The following MREG variants were observed in gnomAD, a reference collection of about 807,000 sequenced individuals.
The protein encoded by MREG is dilute suppressor protein homolog.
A neutral mutation model predicts 28.5 loss-of-function variants in MREG; 31 were observed. The ratio of observed to expected loss-of-function variants is 1.09; its 90% confidence interval spans 0.82 to 1.47. The LOEUF is 1.47. Ranked by LOEUF, MREG falls within the 40% of genes most tolerant of loss-of-function variation. The pLI, the probability that MREG is intolerant of heterozygous loss-of-function variation, is 0.00. For missense variants in MREG, 256 were observed against 257.4 expected (o/e 0.99, Z 0.04); for synonymous variants, 106 against 95.2 (o/e 1.11, Z -0.66).
intron 2 of MREG, among the ~76,000 whole-genome samples, chr2:215,966,324 A>G (rs532887221): frequency 6.6e-6 from 1 of 152,244 alleles, no homozygotes; most frequent in East Asian, 1.9e-4. Flanking sequence ...CCACTTCCAT[A>G]GCTTGATTTC....
At chr2:216,011,095 C>CAAA (rs35487752) in intron 1 of MREG, among the ~76,000 whole-genome samples, 1,103 of 106,654 alleles carry the variant, frequency 0.01, 25 homozygotes, top group Admixed American at 0.04. Flanking sequence ...GACTCCGTCT[C>CAAA]AAAAAAAAAA....
At chr2:216,000,280 G>T (rs1693982805) in intron 1 of MREG, among the ~76,000 whole-genome samples, 1 of 152,148 alleles carries the variant, frequency 6.6e-6, no homozygotes, top group African/African-American at 2.4e-5. Flanking sequence ...GTTCCTGGGT[G>T]GGGATCTCGG....
chr2:215,974,093 A>T (rs1693177224), intron 2 of MREG, among the ~76,000 whole-genome samples: 1 of 152,198 alleles, frequency 6.6e-6, no homozygotes. Context: ...TTGTAATTCG[A>T]CATAGCAATT....
In MREG at chr2:215,943,967, ACT is replaced by A. The variant is rs1692249928; in HGVS notation, c.*894_*895del. 1 of 135,714 alleles carries A rather than the reference ACT, an allele frequency of 7.4e-6. No individual in the cohort carries two copies. The highest frequency in any genetic ancestry group is 1.5e-5 in the Non-Finnish European group (1 of 65,430). 8.4% of individuals were successfully genotyped at this position (135,714 alleles called of 1,614,324 possible). On this transcript the variant is annotated 3_prime_UTR_variant, in exon 5 of 5. Coordinates refer to ENST00000263268, the MANE Select transcript of MREG (RefSeq NM_018000.3). Reference sequence around the variant, plus strand: ...TGCAAGTACAACACATGAATACATAACTCTTTTTTTTTTTTTTTTTTTTTTTT... The same window carrying A: ...TGCAAGTACAACACATGAATACATAACTTTTTTTTTTTTTTTTTTTTTTTT...
At chr2:215,983,573 G>A (rs1693486099) in intron 2 of MREG, among the ~76,000 whole-genome samples, 1 of 152,040 alleles carries the variant, frequency 6.6e-6, no homozygotes. Context: ...ACGTACTGGG[G>A]GCAAATAAAT....
chr2:215,982,927 AAAT>A (rs1263118189), intron 2 of MREG, among the ~76,000 whole-genome samples: 2 of 152,184 alleles, frequency 1.3e-5, no homozygotes, highest in African/African-American at 4.8e-5. Context: ...AATATTCTAT[AAAT>A]ATTATTACCT....
At chr2:216,024,882 CAAA>C (rs1295218041) in intron 1 of MREG, among the ~76,000 whole-genome samples, 1 of 48,740 alleles carries the variant, frequency 2.1e-5, no homozygotes, top group Non-Finnish European at 3.9e-5. Flanking sequence ...GACTCTGTCT[CAAA>C]AAAAAAAAAG....
At chr2:216,006,879 T>TC (rs1241238371) in intron 1 of MREG, among the ~76,000 whole-genome samples, 1 of 152,202 alleles carries the variant, frequency 6.6e-6, no homozygotes, top group East Asian at 1.9e-4. Context: ...GCACCTGGTT[T>TC]CCCTAGCTTC....
At chr2:216,003,532 A>G (rs1156641825) in intron 1 of MREG, among the ~76,000 whole-genome samples, 1 of 152,048 alleles carries the variant, frequency 6.6e-6, no homozygotes, top group Non-Finnish European at 1.5e-5. Context: ...GCCTTTAAAC[A>G]TCATCTACAT....
intron 2 of MREG, among the ~76,000 whole-genome samples, chr2:215,986,799 G>A (rs897053127): frequency 2.0e-5 from 3 of 152,196 alleles, no homozygotes; most frequent in Admixed American, 6.5e-5. Context: ...CCCCAGCCAT[G>A]AGGAACTGTG....
intron 1 of MREG, among the ~76,000 whole-genome samples, chr2:216,026,025 A>C (rs768220800): frequency 2.0e-5 from 3 of 152,244 alleles, no homozygotes; most frequent in African/African-American, 7.2e-5. Flanking sequence ...AAACATGATG[A>C]AAACTCTTCC....
chr2:215,971,424 C>T (rs1693093435), intron 2 of MREG, among the ~76,000 whole-genome samples: 1 of 152,118 alleles, frequency 6.6e-6, no homozygotes, highest in Admixed American at 6.6e-5. Flanking sequence ...TTCCATGTAC[C>T]CTAAGGTGCT....
At chr2:215,994,372 G>A (rs1381383705) in intron 2 of MREG, among the ~76,000 whole-genome samples, 6 of 151,628 alleles carry the variant, frequency 4.0e-5, no homozygotes, top group Non-Finnish European at 1.5e-5. Context: ...TGAGAACACA[G>A]GGACACGGGG....
intron 1 of MREG, among the ~76,000 whole-genome samples, chr2:216,010,889 G>A (rs1267755824): frequency 6.6e-6 from 1 of 151,276 alleles, no homozygotes; most frequent in Non-Finnish European, 1.5e-5. Flanking sequence ...GAGGTCAGGA[G>A]ATAGAGACCA....
rs1473248845 is a variant in MREG, at chr2:216,031,691, G to GAAAGAAAGAGAA, written c.-68+1097_-68+1098insTTCTCTTTCTTT. On this transcript the variant is annotated intron_variant, in intron 1 of 3. Transcript: ENST00000420348. ...AGAAAGAAAGAAAGAAAGAAAGAAAGAGAAAGAAAGAAAGAAAGAAAGGGA... is the reference window on the plus strand; with the variant it reads ...AGAAAGAAAGAAAGAAAGAAAGAAAGAAAGAAAGAGAAAGAAAGAAAGAAAGAAAGAAAGGGA... Among the ~76,000 whole-genome samples, 14 of 61,162 alleles carry GAAAGAAAGAGAA rather than the reference G, an allele frequency of 2.3e-4. No homozygotes were observed. The South Asian group carries it at 4.4e-3, about 19-fold the overall frequency. The allele number at this position is 61,162 out of a possible 152,430, so 40.1% of individuals were successfully genotyped here.
At chr2:215,984,784 G>C (rs1400478929) in intron 2 of MREG, among the ~76,000 whole-genome samples, 1 of 152,134 alleles carries the variant, frequency 6.6e-6, no homozygotes, top group Admixed American at 6.5e-5. Flanking sequence ...TGTTGTGCCT[G>C]GAAACACTTT....
chr2:215,949,269 A>AT (rs1692419850), intron 2 of MREG, among the ~76,000 whole-genome samples: 1 of 150,844 alleles, frequency 6.6e-6, no homozygotes, highest in Admixed American at 6.6e-5. Flanking sequence ...TTAAAAAAAA[A>AT]AAAAAGAGGG....
At chr2:215,991,457 C>T (rs1188585650) in intron 2 of MREG, among the ~76,000 whole-genome samples, 1 of 152,102 alleles carries the variant, frequency 6.6e-6, no homozygotes, top group East Asian at 1.9e-4. Flanking sequence ...CTAAAATTGA[C>T]ACCCTAACAT....
In MREG at chr2:215,946,057, T is replaced by C. The variant is rs370391256; in HGVS notation, c.347-323A>G. Among the ~76,000 whole-genome samples, 37 of 152,062 alleles carry C rather than the reference T, an allele frequency of 2.4e-4. No homozygotes were observed. In the East Asian group the frequency reaches 6.8e-3, roughly 28 times the overall value. ...TTCCTGTCCTCCCTACTCTTTAGCT[T>C]CTCCCCTGTCCCCAGAATTCCTACC... On this transcript the variant is annotated intron_variant, in intron 3 of 4. Coordinates refer to ENST00000263268, the MANE Select transcript of MREG (RefSeq NM_018000.3).
Sources: allele counts gnomAD v4.1 joint callset (sites outside exome capture counted in the v4.1 genomes callset), GRCh38; gene constraint gnomAD v4.1.1; transcripts MANE v1.5; gene names NCBI Gene and HGNC (gene_info 2026-07-23, HGNC 2026-07-21).